Variants in PRKCE observed in about 807,000 individuals in gnomAD.
PRKCE encodes the protein protein kinase C epsilon type.
A neutral mutation model predicts 85.4 loss-of-function variants in PRKCE; 16 were observed. The observed-to-expected ratio is 0.19, with a 90% CI of 0.13 to 0.28. The LOEUF (loss-of-function observed/expected upper bound fraction) is 0.28. PRKCE is among the 10% of genes least tolerant of loss of function. PRKCE has a pLI of 1.00. For missense variants in PRKCE, 573 were observed against 975.2 expected (o/e 0.59, Z 5.49); for synonymous variants, 388 against 371.5 (o/e 1.04, Z -0.51).
At chr2:45,754,291 G>A (rs924378831) in intron 1 of PRKCE, among the ~76,000 whole-genome samples, 9 of 152,228 alleles carry the variant, frequency 5.9e-5, no homozygotes, top group Admixed American at 3.3e-4. Context: ...AAGGAGGCCA[G>A]GCATGTGACT....
chr2:45,996,476 T>A lies in PRKCE; in HGVS notation c.824-4928T>A, dbSNP rs76967341. ...ATGAAATTGGCTGTAGGGTTTTTGT[T>A]GATGTTCTTTATTAAGTTGAGGAAA... On this transcript the variant is annotated intron_variant, in intron 6 of 14. Transcript: ENST00000306156. Among the ~76,000 whole-genome samples the A allele has an allele frequency of 1.7e-3, 256 of 152,278 alleles. 3 individuals are homozygous for A. Among genetic ancestry groups the A allele is most frequent in the African/African-American group, 5.8e-3 (242 of 41,572 alleles).
chr2:45,800,285 G>A (rs1687756359), intron 1 of PRKCE, among the ~76,000 whole-genome samples: 1 of 152,256 alleles, frequency 6.6e-6, no homozygotes, highest in Admixed American at 6.5e-5. Flanking sequence ...GAACGGGAAA[G>A]GCTGTTCAGT....
intron 5 of PRKCE, among the ~76,000 whole-genome samples, chr2:45,983,535 C>T (rs1168965941): frequency 6.6e-6 from 1 of 152,154 alleles, no homozygotes; most frequent in Non-Finnish European, 1.5e-5. Flanking sequence ...CCCTTGCTTC[C>T]ATGAAATGTG....
At chr2:46,132,807 T>C (rs1456886591) in intron 11 of PRKCE, among the ~76,000 whole-genome samples, 2 of 152,278 alleles carry the variant, frequency 1.3e-5, no homozygotes, top group African/African-American at 4.8e-5. Context: ...GTAAGACTTC[T>C]TTTTTAAGAA....
intron 10 of PRKCE, among the ~76,000 whole-genome samples, chr2:46,012,597 C>G (rs930838410): frequency 2.9e-4 from 44 of 152,172 alleles, no homozygotes; most frequent in Non-Finnish European, 3.5e-4. Flanking sequence ...GGGAGCCACT[C>G]TGGCAAGTTT....
chr2:46,130,229 C>T (rs1674286496), intron 11 of PRKCE, among the ~76,000 whole-genome samples: 1 of 151,974 alleles, frequency 6.6e-6, no homozygotes, highest in African/African-American at 2.4e-5. Flanking sequence ...TAATAAGTTA[C>T]AATTAAACTT....
rs760891700 is a variant in PRKCE, at chr2:46,010,481, G to A, written c.1401G>A (p.Pro467=). 79 of 1,599,518 alleles carry A rather than the reference G, an allele frequency of 4.9e-5. 1 individual carries two copies. The highest frequency in any genetic ancestry group is 4.9e-4 in the Middle Eastern group (3 of 6,082). ...KRILALARKH[P]YLTQLYCCFQ... Reference sequence around the variant, plus strand: ...TTTTGGCTCTGGCACGGAAACACCCGTACCTTACCCAACTCTACTGCTGCT... The same window carrying A: ...TTTTGGCTCTGGCACGGAAACACCCATACCTTACCCAACTCTACTGCTGCT... Residue 467 remains proline (P), a synonymous_variant, in exon 10 of 15, where the codon CCG becomes CCA. Transcript: ENST00000306156.
At chr2:45,890,125 G>A (rs904576750) in intron 2 of PRKCE, among the ~76,000 whole-genome samples, 5 of 152,186 alleles carry the variant, frequency 3.3e-5, no homozygotes, top group Non-Finnish European at 7.4e-5. Flanking sequence ...ATTAGACTCT[G>A]AAGGATAGTC....
In PRKCE at chr2:45,697,300, T is replaced by C. The variant is rs1013006655; in HGVS notation, c.348+44852T>C. On this transcript the variant is annotated intron_variant, in intron 1 of 14. Coordinates refer to ENST00000306156, the MANE Select transcript of PRKCE (RefSeq NM_005400.3). This position sits in a 1 kb window ranked among gnomAD's most constrained non-coding sequence, Gnocchi z 4.2. Reference sequence around the variant, plus strand: ...CTGCCCACATTCTGCTTGGCTCTGGTCCGGAGGTTTTATGGGGGATCTGGA... The same window carrying C: ...CTGCCCACATTCTGCTTGGCTCTGGCCCGGAGGTTTTATGGGGGATCTGGA... Among the ~76,000 whole-genome samples, 5 of 152,160 alleles carry C rather than the reference T, an allele frequency of 3.3e-5. No homozygotes were observed. The highest frequency in any genetic ancestry group is 1.2e-4 in the African/African-American group (5 of 41,444).
At position 45,720,791 on chromosome 2, in the gene PRKCE, C is replaced by T. The variant is rs549969045; in HGVS notation, c.348+68343C>T. On this transcript the variant is annotated intron_variant, in intron 1 of 14. Coordinates refer to ENST00000306156, the MANE Select transcript of PRKCE (RefSeq NM_005400.3). ...CAGCACTGTGCTTGGGGCTCAAGAG[C>T]GTTACTACTTTTAGTTCTCAGAAAA... 1.5e-3 allele frequency among the ~76,000 whole-genome samples: 224 copies of T among 152,098 alleles called. 9 individuals carry two copies. The highest frequency in any genetic ancestry group is 1.2e-3 in the Non-Finnish European group (80 of 68,012).
intron 11 of PRKCE, among the ~76,000 whole-genome samples, chr2:46,090,216 T>C (rs1670032301): frequency 6.6e-6 from 1 of 152,152 alleles, no homozygotes; most frequent in Non-Finnish European, 1.5e-5. Context: ...AGACCTGATA[T>C]ATGGAGTTCA....
chr2:46,183,315 C>T, intron 14 of PRKCE, among the ~76,000 whole-genome samples: 1 of 152,182 alleles, frequency 6.6e-6, no homozygotes, highest in East Asian at 1.9e-4. Flanking sequence ...GAAAACATGG[C>T]TTTATGTCAA....
intron 1 of PRKCE, among the ~76,000 whole-genome samples, chr2:45,714,814 C>A (rs900542052): frequency 6.6e-6 from 1 of 152,354 alleles, no homozygotes. Context: ...TTCTTGGAGT[C>A]TAATGTCTGT....
At position 46,079,557 on chromosome 2, in the gene PRKCE, C is replaced by T. The variant is rs146700795; in HGVS notation, c.1438-6651C>T. Among the ~76,000 whole-genome samples, 24 of 152,336 alleles carry T rather than the reference C, an allele frequency of 1.6e-4. No homozygotes were observed. The East Asian group carries it at 3.9e-3, about 24-fold the overall frequency. On this transcript the variant is annotated intron_variant, in intron 10 of 14. Coordinates refer to ENST00000306156, the MANE Select transcript of PRKCE (RefSeq NM_005400.3). ...TTTCAGAGTGTGAAGTTAGGACCCA[C>T]AATTTCCTTATATGGTACATTGGAG...
rs1389759940 is a variant in PRKCE, at chr2:46,001,855, A to T, written c.966+309A>T. Among the ~76,000 whole-genome samples, 1 of 152,216 alleles carries T rather than the reference A, an allele frequency of 6.6e-6. No homozygotes were observed. Among genetic ancestry groups the T allele is most frequent in the Non-Finnish European group, 1.5e-5 (1 of 68,036 alleles). ...AAGCTTAACAACTCCATACAAGGAA[A>T]TGGACTTATCTGCTTCCAGAACTGG... is the stretch of plus-strand genomic sequence containing the variant. On this transcript the variant is annotated intron_variant, in intron 7 of 14. Coordinates refer to ENST00000306156, the MANE Select transcript of PRKCE (RefSeq NM_005400.3). This position sits in a 1 kb window ranked among gnomAD's most constrained non-coding sequence, Gnocchi z 4.4.
At chr2:45,725,838 A>G (rs1681022139) in intron 1 of PRKCE, among the ~76,000 whole-genome samples, 1 of 152,004 alleles carries the variant, frequency 6.6e-6, no homozygotes, top group Admixed American at 6.6e-5. Context: ...TCAAAAAAAA[A>G]ACAAAAAACC....
In PRKCE at chr2:45,922,564, C is replaced by G. The variant is rs553850754; in HGVS notation, c.413-53865C>G. Among the ~76,000 whole-genome samples the G allele has an allele frequency of 2.6e-5, 4 of 152,324 alleles. No homozygotes were observed. The South Asian group carries it at 8.3e-4, about 32-fold the overall frequency. On this transcript the variant is annotated intron_variant, in intron 2 of 14. Transcript: ENST00000306156. ...TGACCCGCCACCTGCTCTCTTCCTA[C>G]TATCTTCATTAAACCCTTCCCCCCA... is the stretch of plus-strand genomic sequence containing the variant.
chr2:45,974,753 C>T (rs138215814), intron 2 of PRKCE, among the ~76,000 whole-genome samples: 6 of 152,204 alleles, frequency 3.9e-5, no homozygotes, highest in Admixed American at 3.3e-4. Flanking sequence ...ATCAATGCTT[C>T]TTCCCCTGAA....
chr2:45,978,851 A>G (rs1247409288), intron 3 of PRKCE, 125 bp from the exon 4 acceptor site: 5 of 755,682 alleles, frequency 6.6e-6, no homozygotes, highest in East Asian at 5.1e-5. Context: ...AGAAATTACA[A>G]TATTCTGCAT....
Sources: allele counts gnomAD v4.1 joint callset (sites outside exome capture counted in the v4.1 genomes callset), GRCh38; gene constraint gnomAD v4.1.1; non-coding constraint Gnocchi (gnomAD v3.1); transcripts MANE v1.5; gene names NCBI Gene and HGNC (gene_info 2026-07-23, HGNC 2026-07-21).